The following VGLL4 variants were observed in gnomAD, a reference collection of about 807,000 sequenced individuals.
The protein encoded by VGLL4 is vestigial like family member 4.
A neutral mutation model predicts 21.0 loss-of-function variants in VGLL4; 7 were observed. The observed-to-expected ratio is 0.33, with a 90% CI of 0.19 to 0.63. The LOEUF is 0.63. VGLL4 is among the 20% of genes least tolerant of loss of function. The probability of loss-of-function intolerance (pLI) is 0.78; values close to 1 mark genes in which losing one functional copy is unlikely to be tolerated. For missense variants in VGLL4, 394 were observed against 425.7 expected, an observed-to-expected ratio of 0.93 and a Z score of 0.66; for synonymous variants, 222 against 173.2, an observed-to-expected ratio of 1.28 and a Z score of -2.21.
chr3:11,708,986 G>A (rs1171620730), intron 1 of VGLL4, among the ~76,000 whole-genome samples: 2 of 151,864 alleles, frequency 1.3e-5, no homozygotes, highest in African/African-American at 2.4e-5. Context: ...GCTTGAACCC[G>A]GGAGACGGGG....
chr3:11,683,613 A>G (rs2076405614), intron 2 of VGLL4, among the ~76,000 whole-genome samples: 1 of 152,170 alleles, frequency 6.6e-6, no homozygotes, highest in South Asian at 2.1e-4. Context: ...AGCCTAGCCA[A>G]CGAAACCCTG....
At chr3:11,644,859 AAAAAG>A (rs1553737811), upstream of VGLL4, among the ~76,000 whole-genome samples, 2 of 150,400 alleles carry the variant, frequency 1.3e-5, no homozygotes, top group African/African-American at 2.4e-5. Flanking sequence ...AAAAAAAAAA[AAAAAG>A]AAAAGAAAAA....
intron 1 of VGLL4, chr3:11,610,402 C>G (rs1029487672): frequency 6.6e-6 from 1 of 152,192 alleles, no homozygotes; most frequent in Non-Finnish European, 1.5e-5. Context: ...CATTGCAATG[C>G]GAGCCGGCAG....
intron 2 of VGLL4, among the ~76,000 whole-genome samples, chr3:11,649,261 T>C (rs1416593145): frequency 6.6e-6 from 1 of 152,174 alleles, no homozygotes; most frequent in African/African-American, 2.4e-5. Flanking sequence ...CTGAAAACAA[T>C]AAAAATCGGA....
chr3:11,709,085 T>C (rs961655515), intron 1 of VGLL4, among the ~76,000 whole-genome samples: 7 of 151,286 alleles, frequency 4.6e-5, no homozygotes, highest in Non-Finnish European at 7.4e-5. Context: ...TAATAATCCA[T>C]TGAAATGCTG....
intron 2 of VGLL4, among the ~76,000 whole-genome samples, chr3:11,570,085 G>A (rs1256777776): frequency 6.6e-6 from 1 of 152,014 alleles, no homozygotes; most frequent in African/African-American, 2.4e-5. Flanking sequence ...TGCCCCCTGG[G>A]GTTTCTGATG....
At chr3:11,594,694 C>T (rs1488468883) in intron 2 of VGLL4, among the ~76,000 whole-genome samples, 4 of 152,312 alleles carry the variant, frequency 2.6e-5, no homozygotes, top group African/African-American at 4.8e-5. Flanking sequence ...TTAAAATGCA[C>T]GAGGTCATCC....
intron 1 of VGLL4, among the ~76,000 whole-genome samples, chr3:11,639,466 A>G (rs1291984467): frequency 6.6e-6 from 1 of 152,236 alleles, no homozygotes; most frequent in African/African-American, 2.4e-5. Context: ...GAGCAAGGAG[A>G]AGTGGGAGAG....
chr3:11,641,037 A>C (rs1021695996), intron 1 of VGLL4, among the ~76,000 whole-genome samples: 14 of 150,740 alleles, frequency 9.3e-5, no homozygotes, highest in African/African-American at 3.4e-4. Flanking sequence ...GAATGGCTTG[A>C]ACCCGGGAGG....
rs115249629 is a variant in VGLL4 at position 11,679,712 on chromosome 3, G to A, written c.64+23259C>T. On this transcript the variant is annotated intron_variant, in intron 2 of 5. Transcript: ENST00000273038. ...AAAAGAAGAAACATGTTTATAGAAT[G>A]AGAATATAAAGAAAGAAAGTATTTT... Among the ~76,000 whole-genome samples, 964 of 152,146 alleles carry A rather than the reference G, an allele frequency of 6.3e-3. 13 individuals carry two copies. The highest frequency in any genetic ancestry group is 0.022 in the African/African-American group (934 of 41,522).
intron 2 of VGLL4, among the ~76,000 whole-genome samples, chr3:11,652,569 T>C (rs1575496891): frequency 6.6e-6 from 1 of 152,242 alleles, no homozygotes; most frequent in East Asian, 1.9e-4. Flanking sequence ...AACAGGCACG[T>C]GCCACCACGC....
rs59999510 is a variant in VGLL4, at chr3:11,665,101, C to CTTTTTTTTTTTTTTTTTTT, written c.64+37851_64+37869dup. Among the ~76,000 whole-genome samples, 2 of 96,950 alleles carry CTTTTTTTTTTTTTTTTTTT rather than the reference C, an allele frequency of 2.1e-5. 1 individual carries two copies. The highest frequency in any genetic ancestry group is 9.8e-5 in the African/African-American group (2 of 20,474). The allele number at this position is 96,950 out of a possible 152,430, so 63.6% of individuals were successfully genotyped here. A position where few individuals can be genotyped will look rare whatever the true frequency, so the allele number is the denominator to read the frequency against. On this transcript the variant is annotated intron_variant, in intron 2 of 5. Transcript: ENST00000273038. ...AAATGAAAGCAATTTGAATATTTTT[C>CTTTTTTTTTTTTTTTTTTT]TTTTTTTTTTTTTTTTTTTTTTTTT... is the stretch of plus-strand genomic sequence containing the variant.
At chr3:11,628,404 AAAAG>A (rs1238115878) in intron 1 of VGLL4, among the ~76,000 whole-genome samples, 1 of 152,104 alleles carries the variant, frequency 6.6e-6, no homozygotes, top group Non-Finnish European at 1.5e-5. Flanking sequence ...ACAAAAAAAA[AAAAG>A]AAAAGAAACA....
intron 1 of VGLL4, among the ~76,000 whole-genome samples, chr3:11,623,511 C>T (rs1246774005): frequency 6.6e-6 from 1 of 152,116 alleles, no homozygotes; most frequent in Non-Finnish European, 1.5e-5. Flanking sequence ...AGTGGACCCT[C>T]GAAGTTCAGA....
intron 2 of VGLL4, among the ~76,000 whole-genome samples, chr3:11,668,566 C>T (rs1025704940): frequency 6.6e-5 from 10 of 152,226 alleles, no homozygotes; most frequent in Middle Eastern, 3.4e-3. Flanking sequence ...CAGGCCTATC[C>T]CATGGCCAGA....
intron 2 of VGLL4, among the ~76,000 whole-genome samples, chr3:11,677,440 T>G (rs2076307735): frequency 6.6e-6 from 1 of 152,020 alleles, no homozygotes; most frequent in Admixed American, 6.6e-5. Context: ...CAGCTAATTT[T>G]TTTTGTATTT....
At chr3:11,563,348 A>G (rs1358164905) in intron 3 of VGLL4, among the ~76,000 whole-genome samples, 1 of 152,214 alleles carries the variant, frequency 6.6e-6, no homozygotes, top group Non-Finnish European at 1.5e-5. Flanking sequence ...CAGCATTACA[A>G]TGCCTGTTGA....
At chr3:11,640,426 T>G (rs377556194) in intron 1 of VGLL4, among the ~76,000 whole-genome samples, 3 of 152,044 alleles carry the variant, frequency 2.0e-5, no homozygotes, top group African/African-American at 7.2e-5. Context: ...GAGCATTCAG[T>G]GGGGTGATGG....
At chr3:11,681,593 AG>A (rs1215888876) in intron 2 of VGLL4, among the ~76,000 whole-genome samples, 3 of 152,256 alleles carry the variant, frequency 2.0e-5, no homozygotes, top group African/African-American at 7.2e-5. Context: ...CAATCTCAGA[AG>A]AAAAAACATG....
Sources: gnomAD v4.1 joint callset for allele counts (sites outside exome capture counted in the v4.1 genomes callset) on GRCh38, gnomAD v4.1.1 for gene constraint, MANE v1.5 for transcripts, NCBI Gene and HGNC (gene_info 2026-07-23, HGNC 2026-07-21) for gene names.